ADCY4: variants seen among roughly 807,000 people sequenced by gnomAD.
ADCY4 encodes adenylate cyclase 4.
Under a neutral mutation model 125.5 loss-of-function variants are expected in ADCY4, and 111 were observed. The observed-to-expected ratio is 0.88, with a 90% confidence interval of 0.76 to 1.04. The LOEUF (loss-of-function observed/expected upper bound fraction) is 1.04. Among genes scored for constraint, ADCY4 ranks in the 50% least tolerant of loss-of-function variants. The pLI is 0.00. For synonymous variants in ADCY4, 576 were observed against 586.9 expected (o/e 0.98, Z 0.27); for missense variants, 1,256 against 1,382.9 (o/e 0.91, Z 1.46).
chr14:24,329,373 G>C, intron 9 of ADCY4, 28 bp downstream of exon 9: 1 of 1,544,482 alleles, frequency 6.5e-7, no homozygotes, highest in Non-Finnish European at 8.7e-7. Context: ...GTGTAGGCCA[G>C]CCCATGGGGT....
chr14:24,323,117 G>A (rs1197327400), intron 17 of ADCY4, 29 bp from the exon 18 acceptor site: 1 of 1,609,800 alleles, frequency 6.2e-7, no homozygotes, highest in African/African-American at 1.3e-5. Flanking sequence ...GTCAGGAGTG[G>A]GCATGTCCCA....
intron 10 of ADCY4, 55 bp from the exon 11 acceptor site, chr14:24,326,397 G>C: frequency 6.2e-7 from 1 of 1,601,092 alleles, no homozygotes; most frequent in Non-Finnish European, 8.6e-7. Flanking sequence ...CCTGCAGTGA[G>C]GTAGACCATG....
chr14:24,319,895 G>C lies in ADCY4; in HGVS notation c.2587-7C>G. On this transcript the variant is annotated splice_region_variant and splice_polypyrimidine_tract_variant and intron_variant, in intron 20 of 24. Coordinates refer to ENST00000418030, the MANE Select transcript of ADCY4 (RefSeq NM_001198568.2). This position sits in a 1 kb window ranked among gnomAD's most constrained non-coding sequence, Gnocchi z 4.5. ...AGGACTGGTGGTAGAGATCCTGGGG[G>C]AACAGGAGACTGGAGTGAGGGGTGT... 1 of 1,612,548 alleles carries C rather than the reference G, an allele frequency of 6.2e-7. No homozygotes were observed. Among genetic ancestry groups the C allele is most frequent in the South Asian group, 1.1e-5 (1 of 91,008 alleles).
At position 24,329,900 on chromosome 14, in the gene ADCY4, C is replaced by T. The variant is rs757474354; in HGVS notation, c.1177G>A (p.Val393Ile). 1.2e-6 allele frequency: 2 copies of T among 1,614,012 alleles called. No homozygotes were observed. Among genetic ancestry groups the T allele is most frequent in the Non-Finnish European group, 1.7e-6 (2 of 1,180,012 alleles). ...KWQYDVWSHD[V>I]TLANHMEAGG... ...GCCTCCATGTGGTTAGCCAGTGTGA[C>T]ATCATGTGACCAAACGTCGTACTGC... is the stretch of plus-strand genomic sequence containing the variant. Residue 393 changes from valine to isoleucine, a missense_variant, in exon 8 of 25, where the codon GTC becomes ATC. Physicochemically the swap from Val to Ile is conservative, Grantham distance 29. Coordinates refer to ENST00000418030, the MANE Select transcript of ADCY4 (RefSeq NM_001198568.2).
At position 24,319,903 on chromosome 14, in the gene ADCY4, G is replaced by A; in HGVS notation, c.2587-15C>T. 4 of 1,611,892 alleles carry A rather than the reference G, an allele frequency of 2.5e-6. No homozygotes were observed. Among genetic ancestry groups the A allele is most frequent in the African/African-American group, 1.3e-5 (1 of 74,952 alleles). On this transcript the variant is annotated splice_polypyrimidine_tract_variant and intron_variant, in intron 20 of 24. Coordinates refer to ENST00000418030, the MANE Select transcript of ADCY4 (RefSeq NM_001198568.2). This position sits in a 1 kb window ranked among gnomAD's most constrained non-coding sequence, Gnocchi z 4.5. The stretch of plus-strand genomic sequence containing the variant: ...TGGTAGAGATCCTGGGGGAACAGGA[G>A]ACTGGAGTGAGGGGTGTGTGTCATG...
Position 24,319,131 on chromosome 14 carries a change from T to G in ADCY4, c.2923A>C (p.Lys975Gln). The G allele has an allele frequency of 6.2e-7, 1 of 1,614,006 alleles. No individual in the cohort carries two copies. The highest frequency in any genetic ancestry group is 8.5e-7 in the Non-Finnish European group (1 of 1,180,016). The change falls in exon 23 of 25, where the codon AAG (lysine) becomes CAG (glutamine). Residue 975 changes from lysine (K) to glutamine (Q), a missense_variant. Lys to Gln is a moderately conservative substitution (Grantham distance 53, BLOSUM62 1). Coordinates refer to ENST00000418030, the MANE Select transcript of ADCY4 (RefSeq NM_001198568.2). The surrounding 1 kb of genome is among the most constrained non-coding windows in gnomAD (Gnocchi z 4.5). ...ALGSKLDVIN[K>Q]HSFNNFRLRV... ...AGGCGGAAGTTGTTGAATGAATGCT[T>G]GTTGATGACGTCCAGCTTAGACCCC... is the stretch of plus-strand genomic sequence containing the variant.
At chr14:24,323,667 G>C (rs2041892623) in intron 16 of ADCY4, 4 of 1,399,114 alleles carry the variant, frequency 2.9e-6, no homozygotes, top group African/African-American at 1.5e-5. Context: ...CTCTGACTCT[G>C]AGCCACTGTG....
In ADCY4 at chr14:24,319,526, G is replaced by T; in HGVS notation, c.2734-90C>A. 7.1e-7 allele frequency: 1 copy of T among 1,409,178 alleles called. No individual in the cohort carries two copies. Among genetic ancestry groups the T allele is most frequent in the Non-Finnish European group, 9.9e-7 (1 of 1,007,070 alleles). 87.3% of individuals were successfully genotyped at this position (1,409,178 alleles called of 1,614,324 possible). On this transcript the variant is annotated intron_variant, in intron 21 of 24. Transcript: ENST00000418030. This position sits in a 1 kb window ranked among gnomAD's most constrained non-coding sequence, Gnocchi z 4.5. Reference sequence around the variant, plus strand: ...CCAGCCCCAAGCCTTTGGAGTTAAAGGATCAGGCTGTGGGAGTGGAGATAG... The same window carrying T: ...CCAGCCCCAAGCCTTTGGAGTTAAATGATCAGGCTGTGGGAGTGGAGATAG...
In ADCY4 at chr14:24,331,099, C is replaced by T. The variant is rs763708189; in HGVS notation, c.849G>A (p.Thr283=). Residue 283 remains threonine (T), a synonymous_variant, in exon 6 of 25, where the codon ACG becomes ACA. Transcript: ENST00000418030. The part of the protein sequence containing the change: ...SVLYADIVGF[T]RLASECSPKE... Reference sequence around the variant, plus strand: ...TAGGGGAACACTCGCTGGCCAGCCGCGTGAAGCCCACGATGTCAGCATACA... The same window carrying T: ...TAGGGGAACACTCGCTGGCCAGCCGTGTGAAGCCCACGATGTCAGCATACA... 11 of 1,613,448 alleles carry T rather than the reference C, an allele frequency of 6.8e-6. No individual in the cohort carries two copies. The highest frequency in any genetic ancestry group is 2.7e-5 in the African/African-American group (2 of 74,894).
Position 24,332,691 on chromosome 14 carries a change from C to G in ADCY4, c.358-8G>C. 1.3e-6 allele frequency: 2 copies of G among 1,581,420 alleles called. No individual in the cohort carries two copies. Among genetic ancestry groups the G allele is most frequent in the Non-Finnish European group, 1.7e-6 (2 of 1,163,496 alleles). The stretch of plus-strand genomic sequence containing the variant: ...GAAGAGAAAATAGGACACCTGGGGG[C>G]GGGGCGCGGGAAGCCGAAGGCCCAA... On this transcript the variant is annotated splice_region_variant and splice_polypyrimidine_tract_variant and intron_variant, in intron 2 of 24. Transcript: ENST00000418030.
At chr14:24,332,452 C>A in intron 3 of ADCY4, 70 bp downstream of exon 3, 1 of 1,489,766 alleles carries the variant, frequency 6.7e-7, no homozygotes, top group Non-Finnish European at 9.0e-7. Context: ...GCTCAACAAC[C>A]CCCTAAAAGG....
intron 20 of ADCY4, chr14:24,321,860 G>A: frequency 7.5e-7 from 1 of 1,327,164 alleles, no homozygotes; most frequent in Non-Finnish European, 9.6e-7. Flanking sequence ...GAGAAGACAT[G>A]CCTTCCAAGT....
intron 16 of ADCY4, 181 bp from the exon 17 acceptor site, chr14:24,323,635 G>T: frequency 7.0e-7 from 1 of 1,423,928 alleles, no homozygotes; most frequent in Non-Finnish European, 9.2e-7. Context: ...GAGGAGTTAT[G>T]TGAGGGGCGT....
chr14:24,324,905 T>G (rs1335835106), intron 14 of ADCY4, among the ~76,000 whole-genome samples: 1 of 152,052 alleles, frequency 6.6e-6, no homozygotes, highest in Non-Finnish European at 1.5e-5. Context: ...GGTTTCACCA[T>G]GTTGGCCAGG....
At chr14:24,321,782 G>C in intron 20 of ADCY4, 2 of 1,130,926 alleles carry the variant, frequency 1.8e-6, no homozygotes, top group African/African-American at 3.2e-5. Context: ...TGGGGGCTGG[G>C]GACCCCTGCT....
At chr14:24,321,248 TA>T (rs199898653) in intron 20 of ADCY4, among the ~76,000 whole-genome samples, 31 of 66,184 alleles carry the variant, frequency 4.7e-4, no homozygotes, top group Admixed American at 4.9e-4. Context: ...CTGTCTCTAC[TA>T]AAAAAAAAAA....
At position 24,329,653 on chromosome 14, in the gene ADCY4, C is replaced by G. The variant is rs2139218532; in HGVS notation, c.1218-120G>C. ...ATCTCATGTCTTTTAAAGATCGTTCCTGGATGTCTGACTTCAAGAAAGAGC... is the reference window on the plus strand; with the variant it reads ...ATCTCATGTCTTTTAAAGATCGTTCGTGGATGTCTGACTTCAAGAAAGAGC... On this transcript the variant is annotated intron_variant, in intron 8 of 24. Transcript: ENST00000418030. 2.1e-6 allele frequency: 3 copies of G among 1,433,706 alleles called. No homozygotes were observed. In the South Asian group the frequency reaches 4.4e-5, roughly 21 times the overall value. The allele number at this position is 1,433,706 out of a possible 1,614,324, so 88.8% of individuals were successfully genotyped here. A position where few individuals can be genotyped will look rare whatever the true frequency, so the allele number is the denominator to read the frequency against.
intron 16 of ADCY4, chr14:24,323,692 C>A: frequency 7.3e-7 from 1 of 1,374,700 alleles, no homozygotes; most frequent in Admixed American, 3.1e-5. Context: ...CTCTTGCCAG[C>A]CACTTAGCCT....
rs1028552519 is a variant in ADCY4, at chr14:24,323,688, C to A, written c.2047-234G>T. The A allele has an allele frequency of 3.6e-6, 5 of 1,379,608 alleles. No homozygotes were observed. The East Asian group carries it at 1.4e-4, about 38-fold the overall frequency. The allele number at this position is 1,379,608 out of a possible 1,614,324, so 85.5% of individuals were successfully genotyped here. A position where few individuals can be genotyped will look rare whatever the true frequency, so the allele number is the denominator to read the frequency against. On this transcript the variant is annotated intron_variant, in intron 16 of 24. Transcript: ENST00000418030. The stretch of plus-strand genomic sequence containing the variant: ...CTCTGAGCCACTGTGTGAGCTCTTG[C>A]CAGCCACTTAGCCTCTCTGGGCCTT...
Sources: allele counts gnomAD v4.1 joint callset (sites outside exome capture counted in the v4.1 genomes callset), GRCh38; gene constraint gnomAD v4.1.1; non-coding constraint Gnocchi (gnomAD v3.1); transcripts MANE v1.5; gene names NCBI Gene and HGNC (gene_info 2026-07-23, HGNC 2026-07-21).